Variants in COL22A1 observed in about 807,000 individuals in gnomAD.
COL22A1 encodes collagen type XXII alpha 1 chain.
In COL22A1, 221 loss-of-function variants were observed where a neutral mutation model predicts 248.9. The ratio of observed to expected loss-of-function variants is 0.89; its 90% CI spans 0.80 to 0.99. The LOEUF (loss-of-function observed/expected upper bound fraction) is 0.99, where lower values mean the gene tolerates loss of function less well. COL22A1 is among the 50% of genes least tolerant of loss of function. The pLI is 0.00. For synonymous variants in COL22A1, 891 were observed against 793.4 expected (o/e 1.12, Z -2.07); for missense variants, 2,240 against 2,179.0 (o/e 1.03, Z -0.56).
chr8:138,802,568 CAG>C (rs1238544794), intron 11 of COL22A1, among the ~76,000 whole-genome samples: 7 of 152,060 alleles, frequency 4.6e-5, no homozygotes, highest in African/African-American at 1.7e-4. Context: ...GTGTAATGGC[CAG>C]AGTCAGGAAG....
At chr8:138,669,167 G>A (rs572741633) in intron 41 of COL22A1, among the ~76,000 whole-genome samples, 102 of 152,318 alleles carry the variant, frequency 6.7e-4, no homozygotes, top group Non-Finnish European at 1.1e-3. Flanking sequence ...CTGTGGCTGC[G>A]GAGTGGCGAA....
chr8:138,716,061 C>G (rs1363444639), intron 29 of COL22A1, among the ~76,000 whole-genome samples, 166 bp downstream of exon 29: 1 of 152,116 alleles, frequency 6.6e-6, no homozygotes, highest in Non-Finnish European at 1.5e-5. Flanking sequence ...CTCAAGGACC[C>G]AAGTAGTCTT....
intron 30 of COL22A1, among the ~76,000 whole-genome samples, chr8:138,711,146 T>C (rs372088896): frequency 6.6e-5 from 10 of 152,282 alleles, no homozygotes; most frequent in South Asian, 6.2e-4. Context: ...TTAGGGTTGA[T>C]GCAACAGGCC....
At chr8:138,690,446 G>T (rs964986494) in intron 36 of COL22A1, among the ~76,000 whole-genome samples, 1 of 152,110 alleles carries the variant, frequency 6.6e-6, no homozygotes, top group African/African-American at 2.4e-5. Context: ...TGCCAAGATG[G>T]TCATGTCAAT....
At chr8:138,668,897 G>A (rs1052078545) in intron 41 of COL22A1, among the ~76,000 whole-genome samples, 1 of 152,250 alleles carries the variant, frequency 6.6e-6, no homozygotes, top group Non-Finnish European at 1.5e-5. Flanking sequence ...CCCAGAGGGG[G>A]ATAGGCGAAA....
At chr8:138,631,719 A>G (rs1377181007) in intron 49 of COL22A1, among the ~76,000 whole-genome samples, 3 of 151,970 alleles carry the variant, frequency 2.0e-5, no homozygotes, top group African/African-American at 7.2e-5. Flanking sequence ...CCCATCCTAC[A>G]GGTCTTAGCT....
chr8:138,859,663 C>T (rs1054915770), intron 3 of COL22A1, among the ~76,000 whole-genome samples: 6 of 152,118 alleles, frequency 3.9e-5, no homozygotes, highest in Non-Finnish European at 7.4e-5. Flanking sequence ...TGGCGCCACC[C>T]CCCCACACAC....
chr8:138,687,818 C>T (rs554484607), intron 37 of COL22A1, among the ~76,000 whole-genome samples: 5 of 152,316 alleles, frequency 3.3e-5, no homozygotes, highest in South Asian at 2.1e-4. Context: ...CAGGGAGGAT[C>T]GTTCTTATAA....
At position 138,773,006 on chromosome 8, in the gene COL22A1, G is replaced by A. The variant is rs189116746; in HGVS notation, c.1803+2960C>T. ...CCCCGGCGCCGCGTGTGGCCTAGCT[G>A]CAGACACTGAGGCTGGGGACAGGCC... On this transcript the variant is annotated intron_variant, in intron 16 of 64. Transcript: ENST00000303045. Among the ~76,000 whole-genome samples, 516 of 152,372 alleles carry A rather than the reference G, an allele frequency of 3.4e-3. 6 individuals are homozygous for A. The highest frequency in any genetic ancestry group is 0.011 in the African/African-American group (449 of 41,590).
At chr8:138,711,068 G>C (rs745354728) in intron 30 of COL22A1, among the ~76,000 whole-genome samples, 1 of 152,138 alleles carries the variant, frequency 6.6e-6, no homozygotes, top group African/African-American at 2.4e-5. Context: ...CAGCGAGCTG[G>C]AGCAGGTAGA....
chr8:138,758,665 A>G (rs1428453276), intron 18 of COL22A1, among the ~76,000 whole-genome samples: 2 of 152,214 alleles, frequency 1.3e-5, no homozygotes, highest in East Asian at 3.8e-4. Context: ...CAAATTGTGT[A>G]GCATCTAAGA....
At chr8:138,737,052 G>A (rs1001631284) in intron 23 of COL22A1, among the ~76,000 whole-genome samples, 5 of 152,124 alleles carry the variant, frequency 3.3e-5, no homozygotes, top group Admixed American at 2.0e-4. Context: ...TGCTCCAGCG[G>A]CACCACATGC....
intron 59 of COL22A1, 46 bp from the exon 60 acceptor site, chr8:138,602,205 C>T (rs761612084): frequency 6.2e-7 from 1 of 1,601,966 alleles, no homozygotes; most frequent in South Asian, 1.1e-5. Context: ...GCCCTCTGCA[C>T]TGGTGTCCTT....
chr8:138,646,700 G>GAA lies in COL22A1; in HGVS notation c.3448-20_3448-19dup. 2.6e-6 allele frequency: 4 copies of GAA among 1,514,850 alleles called. No individual in the cohort carries two copies. The highest frequency in any genetic ancestry group is 1.3e-5 in the South Asian group (1 of 79,616). The allele number at this position is 1,514,850 out of a possible 1,614,324, so 93.8% of individuals were successfully genotyped here. A position where few individuals can be genotyped will look rare whatever the true frequency, so the allele number is the denominator to read the frequency against. ...GCCTCTCCCTGTATCAGGGATACAA[G>GAA]AAAAAAAAAGAAAACAAGAATGAGT... On this transcript the variant is annotated intron_variant, in intron 46 of 64. Coordinates refer to ENST00000303045, the MANE Select transcript of COL22A1 (RefSeq NM_152888.3).
chr8:138,807,848 A>G (rs1379112242), intron 9 of COL22A1, 36 bp from the exon 10 acceptor site: 2 of 1,609,300 alleles, frequency 1.2e-6, no homozygotes, highest in Non-Finnish European at 1.7e-6. Flanking sequence ...GTAAGTTTCT[A>G]TTTTAATTTT....
intron 12 of COL22A1, among the ~76,000 whole-genome samples, chr8:138,784,697 C>T (rs368695832): frequency 3.9e-5 from 6 of 152,118 alleles, no homozygotes; most frequent in South Asian, 2.1e-4. Flanking sequence ...TATTACAAGG[C>T]GCCAGGCACT....
chr8:138,813,385 A>T (rs1420097956), intron 7 of COL22A1, among the ~76,000 whole-genome samples: 1 of 152,178 alleles, frequency 6.6e-6, no homozygotes. Context: ...TGATGGTTTT[A>T]TAAGGGGTTT....
chr8:138,772,388 A>G (rs1428521076), intron 16 of COL22A1, among the ~76,000 whole-genome samples: 3 of 152,248 alleles, frequency 2.0e-5, no homozygotes, highest in African/African-American at 7.2e-5. Flanking sequence ...CAAGGTCATC[A>G]CGGTGAAGAG....
intron 59 of COL22A1, 69 bp downstream of exon 59, chr8:138,604,665 C>T (rs1477743938): frequency 1.4e-6 from 2 of 1,385,702 alleles, no homozygotes; most frequent in Non-Finnish European, 2.0e-6. Context: ...AGCCCAGGGC[C>T]TGAGCCTGCA....
Sources: allele counts gnomAD v4.1 joint callset (sites outside exome capture counted in the v4.1 genomes callset), GRCh38; gene constraint gnomAD v4.1.1; transcripts MANE v1.5; gene names NCBI Gene and HGNC (gene_info 2026-07-23, HGNC 2026-07-21).